The following MECOM variants were observed in gnomAD, a reference collection of about 807,000 sequenced individuals.
MECOM encodes MDS1 and EVI1 complex locus, also known as histone-lysine N-methyltransferase MECOM.
A neutral mutation model predicts 116.3 loss-of-function variants in MECOM; 13 were observed. The ratio of observed to expected loss-of-function variants is 0.11; its 90% CI spans 0.07 to 0.18. MECOM has a LOEUF of 0.18. MECOM is among the 10% of genes least tolerant of loss of function. The pLI is 1.00. For missense variants in MECOM, 1,299 were observed against 1,509.0 expected (o/e 0.86, Z 2.31); for synonymous variants, 528 against 535.2 (o/e 0.99, Z 0.19).
chr3:169,504,873 G>A lies in MECOM; in HGVS notation c.38-123349C>T, dbSNP rs140383255. On this transcript the variant is annotated intron_variant, in intron 1 of 16. Coordinates refer to ENST00000651503, the MANE Select transcript of MECOM (RefSeq NM_004991.4). ...TGTAGCTATCACATTCTCAACATAA[G>A]CATATAAATAAAATATATGCTTACG... Among the ~76,000 whole-genome samples the A allele has an allele frequency of 3.9e-3, 599 of 152,244 alleles. 3 individuals are homozygous for A. The highest frequency in any genetic ancestry group is 0.014 in the African/African-American group (577 of 41,534).
At chr3:169,475,750 A>G (rs919817752) in intron 1 of MECOM, among the ~76,000 whole-genome samples, 14 of 152,074 alleles carry the variant, frequency 9.2e-5, no homozygotes, top group Admixed American at 5.9e-4. Flanking sequence ...TTAAAAAAAA[A>G]GGGGGAGGAG....
At chr3:169,336,472 A>C (rs1220417894) in intron 2 of MECOM, among the ~76,000 whole-genome samples, 2 of 152,098 alleles carry the variant, frequency 1.3e-5, no homozygotes. Flanking sequence ...GATAATGTTA[A>C]ATCTGAAGAA....
At chr3:169,492,855 G>A (rs536481897) in intron 1 of MECOM, among the ~76,000 whole-genome samples, 30 of 152,246 alleles carry the variant, frequency 2.0e-4, no homozygotes, top group African/African-American at 6.3e-4. Context: ...AGCTACTCAG[G>A]AGGCTGAGGC....
chr3:169,594,081 A>ACTGCACTCCAG (rs1294830799), intron 1 of MECOM, among the ~76,000 whole-genome samples: 1 of 146,416 alleles, frequency 6.8e-6, no homozygotes, highest in African/African-American at 2.6e-5. Flanking sequence ...AGATTGCACC[A>ACTGCACTCCAG]CTGCACTCCA....
At chr3:169,460,425 T>A (rs1236557004) in intron 1 of MECOM, among the ~76,000 whole-genome samples, 2 of 152,126 alleles carry the variant, frequency 1.3e-5, no homozygotes, top group African/African-American at 4.8e-5. Context: ...GTCATAGAAT[T>A]TAGAGTTGGA....
intron 1 of MECOM, among the ~76,000 whole-genome samples, chr3:169,384,824 C>T (rs548567774): frequency 7.9e-5 from 12 of 152,068 alleles, no homozygotes; most frequent in Admixed American, 5.2e-4. Flanking sequence ...GGATAGAGGC[C>T]GGGTGTGGTG....
chr3:169,302,225 C>A (rs970058951), intron 2 of MECOM, among the ~76,000 whole-genome samples: 2 of 152,148 alleles, frequency 1.3e-5, no homozygotes, highest in African/African-American at 4.8e-5. Flanking sequence ...TGTATCAAGT[C>A]CTGTTAGAAA....
At chr3:169,412,987 C>T (rs570948813) in intron 1 of MECOM, among the ~76,000 whole-genome samples, 4 of 152,232 alleles carry the variant, frequency 2.6e-5, no homozygotes, top group Non-Finnish European at 4.4e-5. Context: ...ACAACCCCTG[C>T]ACTTTATTCA....
At chr3:169,521,607 A>T (rs1201429724) in intron 1 of MECOM, among the ~76,000 whole-genome samples, 1 of 152,170 alleles carries the variant, frequency 6.6e-6, no homozygotes, top group Admixed American at 6.5e-5. Context: ...CCAGTGCAGC[A>T]TTGGAATCAC....
Position 169,378,434 on chromosome 3 carries a change from AAAGAAAGAAAGAAAGAAGGAAAGC to A in MECOM, c.375+2729_375+2752del, listed in dbSNP as rs1283471707. Among the ~76,000 whole-genome samples, 145 of 81,642 alleles carry A rather than the reference AAAGAAAGAAAGAAAGAAGGAAAGC, an allele frequency of 1.8e-3. 9 individuals carry two copies. The highest frequency in any genetic ancestry group is 0.011 in the African/African-American group (139 of 12,242). The allele number at this position is 81,642 out of a possible 152,430, so 53.6% of individuals were successfully genotyped here. A position where few individuals can be genotyped will look rare whatever the true frequency, so the allele number is the denominator to read the frequency against. On this transcript the variant is annotated intron_variant, in intron 2 of 16. Transcript: ENST00000651503. ...GAAAGAAAGAAAGAAAGAAAGAAAG[AAAGAAAGAAAGAAAGAAGGAAAGC>A]AAGCAAGCAAGCAAGCAAGAAAGAG...
chr3:169,091,001 G>A (rs985559649), intron 14 of MECOM, among the ~76,000 whole-genome samples: 1 of 152,010 alleles, frequency 6.6e-6, no homozygotes, highest in South Asian at 2.1e-4. Flanking sequence ...AATCTTGGAT[G>A]TGACAAACAC....
At chr3:169,554,603 A>G (rs370576451) in intron 1 of MECOM, among the ~76,000 whole-genome samples, 34 of 152,346 alleles carry the variant, frequency 2.2e-4, no homozygotes, top group African/African-American at 8.2e-4. Context: ...AAAGTTAAAA[A>G]TAATATATTA....
Position 169,143,868 on chromosome 3 carries a change from AT to A in MECOM, c.376-37del, listed in dbSNP as rs765877996. The A allele has an allele frequency of 1.9e-5, 30 of 1,554,230 alleles. No individual in the cohort carries two copies. The African/African-American group carries it at 3.8e-4, about 20-fold the overall frequency. ...GAAGATGAGAACAATCAATTGCCAT[AT>A]TGGCCCACTCATTAAAATAATCAGT... On this transcript the variant is annotated intron_variant, in intron 2 of 16. Transcript: ENST00000651503.
chr3:169,288,243 T>C (rs891002648), intron 2 of MECOM, among the ~76,000 whole-genome samples: 1 of 146,472 alleles, frequency 6.8e-6, no homozygotes, highest in Non-Finnish European at 1.5e-5. Flanking sequence ...AAAAAAAAAA[T>C]CTTGATAATT....
At chr3:169,523,874 T>TAC (rs1168487200) in intron 1 of MECOM, among the ~76,000 whole-genome samples, 1 of 123,154 alleles carries the variant, frequency 8.1e-6, no homozygotes, top group African/African-American at 3.5e-5. Context: ...TGTGTGTATA[T>TAC]ACACACATAT....
rs141507975 is a variant in MECOM at position 169,584,438 on chromosome 3, G to A, written c.37+78898C>T. 5.3e-3 allele frequency among the ~76,000 whole-genome samples: 804 copies of A among 151,552 alleles called. 3 individuals carry two copies. The highest frequency in any genetic ancestry group is 7.5e-3 in the Admixed American group (114 of 15,202). On this transcript the variant is annotated intron_variant, in intron 1 of 16. Coordinates refer to ENST00000651503, the MANE Select transcript of MECOM (RefSeq NM_004991.4). ...AAATTAGCCGGGCGTGGTGGCGAGC[G>A]CCTGTAGTCCCAGCTACTCAGGAGG...
At chr3:169,130,504 C>A (rs1051716619) in intron 4 of MECOM, among the ~76,000 whole-genome samples, 2 of 141,734 alleles carry the variant, frequency 1.4e-5, no homozygotes, top group African/African-American at 5.1e-5. Flanking sequence ...TACAACTACT[C>A]TTGTATAACC....
At chr3:169,129,387 G>T (rs960460771) in intron 4 of MECOM, among the ~76,000 whole-genome samples, 1 of 126,590 alleles carries the variant, frequency 7.9e-6, no homozygotes, top group African/African-American at 3.0e-5. Flanking sequence ...GGAAAGCAGG[G>T]ATATATTCAG....
intron 2 of MECOM, among the ~76,000 whole-genome samples, chr3:169,211,147 C>T (rs1233974540): frequency 6.6e-6 from 1 of 152,018 alleles, no homozygotes; most frequent in Admixed American, 6.6e-5. Context: ...AGTGACTTGC[C>T]GGAGTATACA....
Sources: allele counts gnomAD v4.1 joint callset (sites outside exome capture counted in the v4.1 genomes callset), GRCh38; gene constraint gnomAD v4.1.1; transcripts MANE v1.5; gene names NCBI Gene and HGNC (gene_info 2026-07-23, HGNC 2026-07-21).